The following DYM variants were observed in gnomAD, a reference collection of about 807,000 sequenced individuals.
DYM encodes dymeclin, also known as dyggve-Melchior-Clausen syndrome protein.
In DYM, 78 loss-of-function variants were observed where a neutral mutation model predicts 93.1. That is an observed-to-expected ratio of 0.84 (90% CI 0.70 to 1.01). The LOEUF is 1.01. Among genes scored for constraint, DYM ranks in the 50% least tolerant of loss-of-function variants. The pLI is 0.00. For missense variants in DYM, 789 were observed against 845.0 expected, an observed-to-expected ratio of 0.93 and a Z score of 0.82; for synonymous variants, 321 against 319.7, an observed-to-expected ratio of 1.00 and a Z score of -0.04.
intron 11 of DYM, among the ~76,000 whole-genome samples, chr18:49,268,446 T>C (rs182234571): frequency 6.6e-6 from 1 of 152,354 alleles, no homozygotes; most frequent in East Asian, 1.9e-4. Flanking sequence ...AACCCTGTTT[T>C]GGCAGTCAGC....
chr18:49,050,631 T>G (rs2072305271), intron 17 of DYM, among the ~76,000 whole-genome samples: 1 of 152,006 alleles, frequency 6.6e-6, no homozygotes, highest in African/African-American at 2.4e-5. Flanking sequence ...TGCTTGAAGT[T>G]CACAGACAGC....
At chr18:49,348,665 T>C (rs2064831784) in intron 6 of DYM, among the ~76,000 whole-genome samples, 1 of 151,880 alleles carries the variant, frequency 6.6e-6, no homozygotes, top group African/African-American at 2.4e-5. Flanking sequence ...TCCCAGCACT[T>C]TGGGAGGCCA....
chr18:49,264,438 C>CT (rs1227415703), intron 11 of DYM, among the ~76,000 whole-genome samples: 4 of 152,002 alleles, frequency 2.6e-5, no homozygotes, highest in Non-Finnish European at 4.4e-5. Flanking sequence ...TATGAGAGTC[C>CT]TTTTTCTCTA....
chr18:49,036,720 TTG>T lies in DYM; in HGVS notation c.*7333_*7334del, dbSNP rs35299705. Among the ~76,000 whole-genome samples, 41,091 of 150,540 alleles carry T rather than the reference TTG, an allele frequency of 0.27. 5,871 individuals are homozygous for T. The highest frequency in any genetic ancestry group is 0.42 in the Admixed American group (6,307 of 15,150). ...GCACACACCACCATGCTCAGCTAATTTGTGTGTGTGTGTGTGTAGAGACAGGA... is the reference window on the plus strand; with the variant it reads ...GCACACACCACCATGCTCAGCTAATTTGTGTGTGTGTGTGTAGAGACAGGA... On this transcript the variant is annotated 3_prime_UTR_variant, in exon 18 of 18. Coordinates refer to ENST00000675505, the MANE Select transcript of DYM (RefSeq NM_001353214.3).
Position 49,105,292 on chromosome 18 carries a change from G to C in DYM, c.1912-7777C>G, listed in dbSNP as rs184467511. Among the ~76,000 whole-genome samples the C allele has an allele frequency of 3.4e-3, 515 of 152,012 alleles. 4 individuals are homozygous for C. The highest frequency in any genetic ancestry group is 0.012 in the African/African-American group (477 of 41,468). On this transcript the variant is annotated intron_variant, in intron 16 of 17. Coordinates refer to ENST00000675505, the MANE Select transcript of DYM (RefSeq NM_001353214.3). Reference sequence around the variant, plus strand: ...TTTTTATTGCGTCTATTTGATTCTTGTCTCTTTTCTTCTTTATTAGTCTTG... The same window carrying C: ...TTTTTATTGCGTCTATTTGATTCTTCTCTCTTTTCTTCTTTATTAGTCTTG...
intron 16 of DYM, 184 bp downstream of exon 16, chr18:49,118,560 G>A: frequency 1.6e-6 from 1 of 607,302 alleles, no homozygotes. Flanking sequence ...TATTAAATAT[G>A]TATGTGTGTG....
intron 4 of DYM, 134 bp downstream of exon 4, chr18:49,379,531 C>CTTTTTTT: frequency 1.2e-6 from 1 of 802,242 alleles, no homozygotes. Context: ...ACCTCTCTAC[C>CTTTTTTT]TTTTTTTCTT....
chr18:49,139,273 T>C (rs1468896714), intron 15 of DYM, among the ~76,000 whole-genome samples: 2 of 152,152 alleles, frequency 1.3e-5, no homozygotes, highest in Admixed American at 6.5e-5. Context: ...CCCAAATCCA[T>C]GACCTAGAGG....
intron 15 of DYM, among the ~76,000 whole-genome samples, chr18:49,162,897 G>A (rs936586455): frequency 7.2e-5 from 11 of 152,188 alleles, no homozygotes; most frequent in African/African-American, 1.9e-4. Flanking sequence ...AGATAAACCT[G>A]GATGGTAGAA....
intron 11 of DYM, among the ~76,000 whole-genome samples, chr18:49,258,865 GAGAGAGAGAGAGAGAGAGAGATAGGC>G (rs2094443281): frequency 7.0e-6 from 1 of 143,572 alleles, no homozygotes; most frequent in Non-Finnish European, 1.5e-5. Context: ...GAGAGAGAGA[GAGAGAGAGAGAGAGAGAGAGATAGGC>G]AGGCAGGCCG....
rs2081198842 is a variant in DYM, at chr18:49,109,584, A to G, written c.1911+9160T>C. Among the ~76,000 whole-genome samples the G allele has an allele frequency of 2.6e-5, 4 of 152,188 alleles. No individual in the cohort carries two copies. In the South Asian group the frequency reaches 8.3e-4, roughly 31 times the overall value. ...AAGAAGAGATATTTCTGGGTCAGAGACGGAGGGAAGTTTGTTAGTCACAGC... is the reference window on the plus strand; with the variant it reads ...AAGAAGAGATATTTCTGGGTCAGAGGCGGAGGGAAGTTTGTTAGTCACAGC... On this transcript the variant is annotated intron_variant, in intron 16 of 17. Transcript: ENST00000675505.
chr18:49,215,756 C>T (rs2143770127), intron 13 of DYM, among the ~76,000 whole-genome samples: 1 of 152,278 alleles, frequency 6.6e-6, no homozygotes, highest in African/African-American at 2.4e-5. Flanking sequence ...TGAAACTACA[C>T]AAAGAAGCTG....
intron 6 of DYM, among the ~76,000 whole-genome samples, chr18:49,354,933 A>G (rs545425463): frequency 3.4e-4 from 51 of 152,114 alleles, no homozygotes; most frequent in Admixed American, 5.9e-4. Context: ...ATGATATGAC[A>G]ATGATAGATA....
At chr18:49,108,759 T>A (rs902179147) in intron 16 of DYM, among the ~76,000 whole-genome samples, 7 of 152,248 alleles carry the variant, frequency 4.6e-5, no homozygotes, top group Non-Finnish European at 7.3e-5. Flanking sequence ...TTGGGTCTTC[T>A]GTATCATCAC....
At chr18:49,368,225 C>T (rs1228525644) in intron 5 of DYM, among the ~76,000 whole-genome samples, 1 of 152,054 alleles carries the variant, frequency 6.6e-6, no homozygotes, top group Non-Finnish European at 1.5e-5. Context: ...TATACTCTAC[C>T]AGGTTTGATT....
At chr18:49,079,272 G>A (rs1447455913) in intron 17 of DYM, among the ~76,000 whole-genome samples, 2 of 152,120 alleles carry the variant, frequency 1.3e-5, no homozygotes, top group African/African-American at 2.4e-5. Flanking sequence ...CATCTGGTTC[G>A]TCTTGGGGTA....
intron 14 of DYM, among the ~76,000 whole-genome samples, chr18:49,168,991 G>A (rs185253860): frequency 1.8e-4 from 28 of 152,248 alleles, no homozygotes; most frequent in African/African-American, 6.3e-4. Flanking sequence ...AAATGAAGCC[G>A]GTAAGACAAG....
intron 17 of DYM, among the ~76,000 whole-genome samples, chr18:49,090,902 G>GT (rs1200007421): frequency 3.9e-5 from 6 of 152,196 alleles, no homozygotes; most frequent in Non-Finnish European, 1.5e-5. Flanking sequence ...AACTACTAAA[G>GT]TGGAGGTCTT....
intron 13 of DYM, among the ~76,000 whole-genome samples, chr18:49,254,049 C>G (rs901085922): frequency 6.6e-6 from 1 of 151,946 alleles, no homozygotes; most frequent in African/African-American, 2.4e-5. Flanking sequence ...TAGTCCCTCT[C>G]TTGTTTTGCT....
Sources: allele counts gnomAD v4.1 joint callset (sites outside exome capture counted in the v4.1 genomes callset), GRCh38; gene constraint gnomAD v4.1.1; transcripts MANE v1.5; gene names NCBI Gene and HGNC (gene_info 2026-07-23, HGNC 2026-07-21).